The following CHRNB1 variants were observed in gnomAD, a reference collection of about 807,000 sequenced individuals.
CHRNB1 encodes the protein acetylcholine receptor subunit beta.
In CHRNB1, 47 loss-of-function variants were observed where a neutral mutation model predicts 53.8. That is an observed-to-expected ratio of 0.87 (90% confidence interval 0.69 to 1.11). The LOEUF (loss-of-function observed/expected upper bound fraction) is 1.11, where lower values mean the gene tolerates loss of function less well. CHRNB1 is among the 50% of genes most tolerant of loss of function. The pLI is 0.00. For missense variants in CHRNB1, 605 were observed against 654.9 expected (o/e 0.92, Z 0.83); for synonymous variants, 259 against 263.5 (o/e 0.98, Z 0.16).
intron 8 of CHRNB1, among the ~76,000 whole-genome samples, chr17:7,455,031 G>A (rs977712388): frequency 2.0e-5 from 3 of 152,064 alleles, no homozygotes; most frequent in Middle Eastern, 3.4e-3. Context: ...TTGAACTCCT[G>A]ACCTCAGGTG....
chr17:7,455,185 C>A, intron 8 of CHRNB1, 99 bp from the exon 9 acceptor site: 2 of 1,323,170 alleles, frequency 1.5e-6, no homozygotes, highest in Non-Finnish European at 1.1e-6. Flanking sequence ...CGCACATACT[C>A]ACGCGCGGGA....
chr17:7,449,349 C>T (rs1908791831), intron 7 of CHRNB1, among the ~76,000 whole-genome samples: 4 of 151,354 alleles, frequency 2.6e-5, no homozygotes, highest in South Asian at 2.1e-4. Flanking sequence ...ATGATCTGCC[C>T]GCCTCGGCCT....
intron 2 of CHRNB1, 39 bp from the exon 3 acceptor site, chr17:7,446,030 C>T (rs1428857704): frequency 1.2e-6 from 2 of 1,601,342 alleles, no homozygotes; most frequent in South Asian, 1.1e-5. Flanking sequence ...TTTCTCTCCA[C>T]CCTACTTCAC....
intron 9 of CHRNB1, 145 bp downstream of exon 9, chr17:7,455,601 G>C (rs548045427): frequency 1.6e-6 from 2 of 1,245,572 alleles, no homozygotes; most frequent in African/African-American, 3.0e-5. Context: ...CTCACTTTGA[G>C]GGGAGGTGGG....
chr17:7,455,458 TAGGA>T lies in CHRNB1; in HGVS notation c.1217+3_1217+6del, dbSNP rs2069939507. 1 of 1,613,802 alleles carries T rather than the reference TAGGA, an allele frequency of 6.2e-7. No individual in the cohort carries two copies. The highest frequency in any genetic ancestry group is 8.5e-7 in the Non-Finnish European group (1 of 1,179,932). ...TTTTCTCTTCCCCAAACCCAATAGG[TAGGA>T]CTACGCCCGTTACCCACATAAGAGG... On this transcript the variant is annotated splice_donor_5th_base_variant and intron_variant, in intron 9 of 10. Transcript: ENST00000306071.
chr17:7,445,554 G>C lies in CHRNB1; in HGVS notation c.198+145G>C, dbSNP rs1908572031. 2 of 1,507,068 alleles carry C rather than the reference G, an allele frequency of 1.3e-6. No homozygotes were observed. The highest frequency in any genetic ancestry group is 1.8e-6 in the Non-Finnish European group (2 of 1,131,610). 93.4% of individuals were successfully genotyped at this position (1,507,068 alleles called of 1,614,324 possible). ...ACCAGCCTTTGGTGAAGATTGGATC[G>C]AAATCAGACCAATGGACAAGCTCTG... is the stretch of plus-strand genomic sequence containing the variant. On this transcript the variant is annotated intron_variant, in intron 2 of 10. Transcript: ENST00000306071. The surrounding 1 kb of genome is among the most constrained non-coding windows in gnomAD (Gnocchi z 5.7).
At chr17:7,454,794 CTTTTTTTTT>C (rs1171593191) in intron 8 of CHRNB1, among the ~76,000 whole-genome samples, 2 of 65,526 alleles carry the variant, frequency 3.1e-5, no homozygotes, top group African/African-American at 7.5e-5. Flanking sequence ...CACTAAATAG[CTTTTTTTTT>C]TTTTTTTTTT....
intron 10 of CHRNB1, 107 bp downstream of exon 10, chr17:7,456,048 G>GGTTTTT: frequency 1.3e-6 from 1 of 780,904 alleles, no homozygotes; most frequent in Non-Finnish European, 1.9e-6. Context: ...TTTTTTTTTG[G>GGTTTTT]CTTTTTTTTT....
At position 7,456,598 on chromosome 17, in the gene CHRNB1, C is replaced by A. The variant is rs1342664332; in HGVS notation, c.1381C>A (p.Gln461Lys). 1 of 1,614,108 alleles carries A rather than the reference C, an allele frequency of 6.2e-7. No homozygotes were observed. The highest frequency in any genetic ancestry group is 1.7e-5 in the Admixed American group (1 of 60,008). Reference protein sequence around the residue: ...EDHDALKEDWQFVAMVVDRLF... With the variant: ...EDHDALKEDWKFVAMVVDRLF... ...CTACCCACAGCTGAAGGAGGACTGG[C>A]AGTTTGTGGCCATGGTAGTGGACCG... Residue 461 changes from glutamine (Q) to lysine (K), a missense_variant, in exon 11 of 11, where the codon CAG becomes AAG. Physicochemically the swap from Gln to Lys is moderately conservative, Grantham distance 53. Transcript: ENST00000306071.
chr17:7,454,328 GCTGACC>G lies in CHRNB1; in HGVS notation c.855_860del (p.Leu287_Thr288del), dbSNP rs753428978. On this transcript the variant is annotated inframe_deletion, in exon 8 of 11. Coordinates refer to ENST00000306071, the MANE Select transcript of CHRNB1 (RefSeq NM_000747.3). ...AGATGGGGCTCTCAATCTTTGCCCT[GCTGACC>G]CTTACTGTGTTCCTGCTGCTGCTGG... is the stretch of plus-strand genomic sequence containing the variant. 1 of 1,614,140 alleles carries G rather than the reference GCTGACC, an allele frequency of 6.2e-7. No individual in the cohort carries two copies. The highest frequency in any genetic ancestry group is 8.5e-7 in the Non-Finnish European group (1 of 1,180,008).
chr17:7,453,579 TGTC>T (rs1908962865), intron 7 of CHRNB1, among the ~76,000 whole-genome samples: 1 of 136,694 alleles, frequency 7.3e-6, no homozygotes, highest in Non-Finnish European at 1.6e-5. Context: ...TCCAAAAGCC[TGTC>T]TTTTTTTTTT....
intron 3 of CHRNB1, 58 bp downstream of exon 3, chr17:7,446,171 A>C (rs1908603470): frequency 7.2e-7 from 1 of 1,397,674 alleles, no homozygotes; most frequent in South Asian, 1.2e-5. Context: ...ATTTCCTTGA[A>C]TATCCAGCCC....
In CHRNB1 at chr17:7,446,111, C is replaced by G. The variant is rs1388032885; in HGVS notation, c.241C>G (p.Leu81Val). The change falls in exon 3 of 11, where the codon CTG becomes GTG. Residue 81 changes from leucine (L) to valine (V), a missense_variant and splice_region_variant. Transcript: ENST00000306071. ...GATGAGCACAAAGGTGTACTTAGAC[C>G]TGGTATGGAGACCCCACGGGGTGGG... is the stretch of plus-strand genomic sequence containing the variant. ...EEMSTKVYLD[L>V]EWTDYRLSWD... The G allele has an allele frequency of 8.1e-6, 13 of 1,613,832 alleles. No homozygotes were observed. The highest frequency in any genetic ancestry group is 6.7e-5 in the East Asian group (3 of 44,886).
chr17:7,445,704 A>G lies in CHRNB1; in HGVS notation c.198+295A>G, dbSNP rs1019799196. ...GGGACGGACCTCGACGTAGGGCCAC[A>G]TGAGTCCTGAGTGCCCAGGGTGGGG... On this transcript the variant is annotated intron_variant, in intron 2 of 10. Coordinates refer to ENST00000306071, the MANE Select transcript of CHRNB1 (RefSeq NM_000747.3). The surrounding 1 kb of genome is among the most constrained non-coding windows in gnomAD (Gnocchi z 5.7). 3 of 1,082,910 alleles carry G rather than the reference A, an allele frequency of 2.8e-6. No homozygotes were observed. The highest frequency in any genetic ancestry group is 1.6e-5 in the African/African-American group (1 of 62,880). 67.1% of individuals were successfully genotyped at this position (1,082,910 alleles called of 1,614,324 possible). A position where few individuals can be genotyped will look rare whatever the true frequency, so the allele number is the denominator to read the frequency against.
intron 7 of CHRNB1, among the ~76,000 whole-genome samples, chr17:7,449,419 T>A (rs1247715795): frequency 6.8e-6 from 1 of 146,400 alleles, no homozygotes; most frequent in East Asian, 2.0e-4. Context: ...TTTTTTTTTT[T>A]TTTTTTGAGA....
rs921584841 is a variant in CHRNB1 at position 7,445,200 on chromosome 17, C to T, written c.58+15C>T. 2.5e-6 allele frequency: 4 copies of T among 1,611,040 alleles called. No individual in the cohort carries two copies. Among genetic ancestry groups the T allele is most frequent in the East Asian group, 2.2e-5 (1 of 44,816 alleles). On this transcript the variant is annotated intron_variant, in intron 1 of 10. Coordinates refer to ENST00000306071, the MANE Select transcript of CHRNB1 (RefSeq NM_000747.3). This position sits in a 1 kb window ranked among gnomAD's most constrained non-coding sequence, Gnocchi z 5.7. ...GCTCGCCCCAGGTAAGTGTAGGCCC[C>T]GAAGGGGCAGTGACGGGGCCAGCGG...
In CHRNB1 at chr17:7,455,466, C is replaced by T. The variant is rs190598236; in HGVS notation, c.1217+10C>T. 56 of 1,613,764 alleles carry T rather than the reference C, an allele frequency of 3.5e-5. 3 individuals are homozygous for T. The South Asian group carries it at 6.0e-4, about 17-fold the overall frequency. On this transcript the variant is annotated intron_variant, in intron 9 of 10. Transcript: ENST00000306071. ...TCCCCAAACCCAATAGGTAGGACTA[C>T]GCCCGTTACCCACATAAGAGGGAGA...
rs58239884 is a variant in CHRNB1 at position 7,446,327 on chromosome 17, C to CTG, written c.243+259_243+260dup. The CTG allele has an allele frequency of 0.02, 4,756 of 234,728 alleles. 25 individuals are homozygous for CTG. Among genetic ancestry groups the CTG allele is most frequent in the East Asian group, 0.082 (877 of 10,638 alleles). The allele number at this position is 234,728 out of a possible 1,614,324, so 14.5% of individuals were successfully genotyped here. A position where few individuals can be genotyped will look rare whatever the true frequency, so the allele number is the denominator to read the frequency against. ...TTTGTGTGTGTGTGTGTGTGTGTGT[C>CTG]TGTGTGTGTGTGTGTGTGTGTGTGT... is the stretch of plus-strand genomic sequence containing the variant. On this transcript the variant is annotated intron_variant, in intron 3 of 10. Coordinates refer to ENST00000306071, the MANE Select transcript of CHRNB1 (RefSeq NM_000747.3).
chr17:7,445,571 C>A lies in CHRNB1; in HGVS notation c.198+162C>A. On this transcript the variant is annotated intron_variant, in intron 2 of 10. Transcript: ENST00000306071. This position sits in a 1 kb window ranked among gnomAD's most constrained non-coding sequence, Gnocchi z 5.7. ...ATTGGATCGAAATCAGACCAATGGA[C>A]AAGCTCTGGCCGTGGGTGGTGGACG... 6.7e-7 allele frequency: 1 copy of A among 1,489,546 alleles called. No homozygotes were observed. The highest frequency in any genetic ancestry group is 8.9e-7 in the Non-Finnish European group (1 of 1,122,346). The allele number at this position is 1,489,546 out of a possible 1,614,324, so 92.3% of individuals were successfully genotyped here.
Sources: allele counts gnomAD v4.1 joint callset (sites outside exome capture counted in the v4.1 genomes callset), GRCh38; gene constraint gnomAD v4.1.1; non-coding constraint Gnocchi (gnomAD v3.1); transcripts MANE v1.5; gene names NCBI Gene and HGNC (gene_info 2026-07-23, HGNC 2026-07-21).